GFAP: variants seen among roughly 807,000 people sequenced by gnomAD.
GFAP encodes glial fibrillary acidic protein.
In GFAP, 38 loss-of-function variants were observed where a neutral mutation model predicts 49.3. That is an observed-to-expected ratio of 0.77 (90% CI 0.60 to 1.01). GFAP has a LOEUF of 1.01. Ranked by LOEUF, GFAP falls within the 50% of genes least tolerant of loss-of-function variation. GFAP has a pLI of 0.00. For missense variants in GFAP, 463 were observed against 579.1 expected (o/e 0.80, Z 2.06); for synonymous variants, 222 against 236.4 (o/e 0.94, Z 0.56).
chr17:44,911,135 T>C (rs1287712126), intron 6 of GFAP, 101 bp downstream of exon 6: 2 of 1,051,962 alleles, frequency 1.9e-6, no homozygotes, highest in Non-Finnish European at 1.5e-6. Flanking sequence ...GGAAGGGATC[T>C]GCACACAAGG....
At position 44,915,493 on chromosome 17, in the gene GFAP, C is replaced by T; in HGVS notation, c.-7G>A. 3 of 1,561,180 alleles carry T rather than the reference C, an allele frequency of 1.9e-6. No homozygotes were observed. Among genetic ancestry groups the T allele is most frequent in the Non-Finnish European group, 2.6e-6 (3 of 1,154,044 alleles). On this transcript the variant is annotated 5_prime_UTR_variant, in exon 1 of 9. Coordinates refer to ENST00000588735, the MANE Select transcript of GFAP (RefSeq NM_002055.5). The surrounding 1 kb of genome is among the most constrained non-coding windows in gnomAD (Gnocchi z 4.1). ...TGATGCGTCTCCTCTCCATCCTGCT[C>T]TGGCTCTGCTCGCTCCTGGGATGCG...
At position 44,904,444 on chromosome 17, in the gene GFAP, C is replaced by G; in HGVS notation, c.*2903G>C. 6.5e-7 allele frequency: 1 copy of G among 1,542,484 alleles called. No homozygotes were observed. The highest frequency in any genetic ancestry group is 1.4e-5 in the African/African-American group (1 of 73,000). ...GCCCAGACCTCTCCCCACGCTACCT[C>G]AAGGCCGTGCCCGATGTGGTGTCTT... On this transcript the variant is annotated 3_prime_UTR_variant, in exon 9 of 9. Coordinates refer to ENST00000588735, the MANE Select transcript of GFAP (RefSeq NM_002055.5).
In GFAP at chr17:44,911,296, T is replaced by A; in HGVS notation, c.1067A>T (p.Lys356Met). ...LQEYQDLLNV[K>M]LALDIEIATY... ...GGCGATCTCGATGTCCAGGGCCAGC[T>A]TGACATTGAGCAGGTCCTGGTACTC... The change falls in exon 6 of 9, where the codon AAG (lysine) becomes ATG (methionine). Residue 356 changes from lysine to methionine, a missense_variant. Lys to Met is a moderately conservative substitution (Grantham distance 95). This residue lies in a region of GFAP where 362 missense variants were observed against 445.5 expected (regional missense o/e 0.81). Transcript: ENST00000588735. The A allele has an allele frequency of 6.2e-7, 1 of 1,614,212 alleles. No individual in the cohort carries two copies. The highest frequency in any genetic ancestry group is 8.5e-7 in the Non-Finnish European group (1 of 1,180,024).
intron 6 of GFAP, 129 bp from the exon 7 acceptor site, chr17:44,910,787 A>C: frequency 1.5e-6 from 2 of 1,370,550 alleles, no homozygotes; most frequent in East Asian, 5.0e-5. Context: ...TCCATCTCCT[A>C]GCTTTTTCCC....
rs367772986 is a variant in GFAP, at chr17:44,908,100, G to A, written c.1221C>T (p.Asn407=). 5.6e-6 allele frequency: 9 copies of A among 1,609,336 alleles called. No homozygotes were observed. The highest frequency in any genetic ancestry group is 7.7e-6 in the Non-Finnish European group (9 of 1,176,004). Residue 407 remains asparagine (N), a synonymous_variant, in exon 8 of 9, where the codon AAC becomes AAT. Coordinates refer to ENST00000588735, the MANE Select transcript of GFAP (RefSeq NM_002055.5). ...KSVSEGHLKR[N]IVVKTVEMRD... ...GCATCTCCACGGTCTTCACCACGATGTTCCTCTTGAGGTGGCCTTCTGACA... is the reference window on the plus strand; with the variant it reads ...GCATCTCCACGGTCTTCACCACGATATTCCTCTTGAGGTGGCCTTCTGACA...
intron 4 of GFAP, chr17:44,913,022 C>T: frequency 1.8e-6 from 1 of 543,202 alleles, no homozygotes; most frequent in Non-Finnish European, 3.3e-6. Flanking sequence ...CCATGAAAAG[C>T]ACAGGGCTTA....
At chr17:44,914,239 A>G in intron 1 of GFAP, 151 bp from the exon 2 acceptor site, 3 of 630,910 alleles carry the variant, frequency 4.8e-6, no homozygotes, top group Non-Finnish European at 2.9e-6. Context: ...GGCCTTAGAC[A>G]GAGGACTTGT....
At chr17:44,914,281 T>TA (rs777891700) in intron 1 of GFAP, 193 bp from the exon 2 acceptor site, 18 of 595,870 alleles carry the variant, frequency 3.0e-5, no homozygotes, top group Non-Finnish European at 5.1e-5. Flanking sequence ...GCTTTTGCCT[T>TA]AACTCATTAC....
rs1165790505 is a variant in GFAP at position 44,904,421 on chromosome 17, C to A, written c.*2926G>T. The A allele has an allele frequency of 5.2e-6, 8 of 1,542,100 alleles. No individual in the cohort carries two copies. Among genetic ancestry groups the A allele is most frequent in the Non-Finnish European group, 7.0e-6 (8 of 1,140,788 alleles). On this transcript the variant is annotated 3_prime_UTR_variant, in exon 9 of 9. Transcript: ENST00000588735. ...CATCGGCCTCTGCTACCTGCAGAGCCCAGACCTCTCCCCACGCTACCTCAA... is the reference window on the plus strand; with the variant it reads ...CATCGGCCTCTGCTACCTGCAGAGCACAGACCTCTCCCCACGCTACCTCAA...
chr17:44,913,710 C>T lies in GFAP; in HGVS notation c.618+18G>A, dbSNP rs776325339. On this transcript the variant is annotated intron_variant, in intron 3 of 8. Transcript: ENST00000588735. Reference sequence around the variant, plus strand: ...GCAATCTCTGTGTTGAGCTTTCCTCCCTCTGCCCTGGCCTCACCTCCTCGT... The same window carrying T: ...GCAATCTCTGTGTTGAGCTTTCCTCTCTCTGCCCTGGCCTCACCTCCTCGT... 1 of 1,578,264 alleles carries T rather than the reference C, an allele frequency of 6.3e-7. No homozygotes were observed. The highest frequency in any genetic ancestry group is 8.7e-7 in the Non-Finnish European group (1 of 1,147,214).
rs915413210 is a variant in GFAP, at chr17:44,904,019, G to T, written c.*3328C>A. The T allele has an allele frequency of 1.9e-6, 3 of 1,550,644 alleles. No individual in the cohort carries two copies. The highest frequency in any genetic ancestry group is 1.7e-6 in the Non-Finnish European group (2 of 1,147,010). On this transcript the variant is annotated 3_prime_UTR_variant, in exon 9 of 9. Transcript: ENST00000588735. Reference sequence around the variant, plus strand: ...CAAACCCGAAGAGGTGCCAGCTGTAGTCTGGTTCTACCAAAAGCACCTAGG... The same window carrying T: ...CAAACCCGAAGAGGTGCCAGCTGTATTCTGGTTCTACCAAAAGCACCTAGG...
intron 3 of GFAP, 133 bp downstream of exon 3, chr17:44,913,595 G>T: frequency 9.6e-7 from 1 of 1,046,412 alleles, no homozygotes; most frequent in Non-Finnish European, 1.5e-6. Context: ...TTCATTTCCT[G>T]TCTCTACCTG....
rs1738563877 is a variant in GFAP, at chr17:44,906,363, C to T, written c.*984G>A. 6.6e-6 allele frequency: 1 copy of T among 152,532 alleles called. No individual in the cohort carries two copies. The highest frequency in any genetic ancestry group is 2.4e-5 in the African/African-American group (1 of 41,420). 9.4% of individuals were successfully genotyped at this position (152,532 alleles called of 1,614,324 possible). A position where few individuals can be genotyped will look rare whatever the true frequency, so the allele number is the denominator to read the frequency against. Reference sequence around the variant, plus strand: ...ATGCCTAGCGCCATCCCAATTGCCTCCTCCTCCATCTCTACCAGCGTCCCC... The same window carrying T: ...ATGCCTAGCGCCATCCCAATTGCCTTCTCCTCCATCTCTACCAGCGTCCCC... On this transcript the variant is annotated 3_prime_UTR_variant, in exon 9 of 9. Transcript: ENST00000588735.
chr17:44,910,811 G>T (rs920928754), intron 6 of GFAP, 153 bp from the exon 7 acceptor site: 118 of 1,098,904 alleles, frequency 1.1e-4, no homozygotes, highest in Non-Finnish European at 1.5e-4. Context: ...CAGCCAACGT[G>T]CTATCTGGAG....
chr17:44,904,148 A>G lies in GFAP; in HGVS notation c.*3199T>C. 1.3e-6 allele frequency: 2 copies of G among 1,550,356 alleles called. No homozygotes were observed. The highest frequency in any genetic ancestry group is 1.7e-6 in the Non-Finnish European group (2 of 1,146,764). On this transcript the variant is annotated 3_prime_UTR_variant, in exon 9 of 9. Coordinates refer to ENST00000588735, the MANE Select transcript of GFAP (RefSeq NM_002055.5). Reference sequence around the variant, plus strand: ...CATGCTGACCCGCTTCAGCATCCGCATGTTCAGCTTGTTGGTTTTCAGGGC... The same window carrying G: ...CATGCTGACCCGCTTCAGCATCCGCGTGTTCAGCTTGTTGGTTTTCAGGGC...
chr17:44,905,142 T>G lies in GFAP; in HGVS notation c.*2205A>C. 4.8e-6 allele frequency: 6 copies of G among 1,240,266 alleles called. No homozygotes were observed. Among genetic ancestry groups the G allele is most frequent in the Non-Finnish European group, 1.1e-6 (1 of 895,934 alleles). The allele number at this position is 1,240,266 out of a possible 1,614,324, so 76.8% of individuals were successfully genotyped here. On this transcript the variant is annotated 3_prime_UTR_variant, in exon 9 of 9. Coordinates refer to ENST00000588735, the MANE Select transcript of GFAP (RefSeq NM_002055.5). ...TTAAATGATACCAGATGTCTCTGGGTGGGTACCCTGGGTTGGGACAGGTGG... is the reference window on the plus strand; with the variant it reads ...TTAAATGATACCAGATGTCTCTGGGGGGGTACCCTGGGTTGGGACAGGTGG...
Position 44,903,553 on chromosome 17 carries a change from C to G in GFAP, c.*3794G>C. ...CTTTGACCCATTCTTGGGTGAGCGC[C>G]AGTGTTCTAGAAAGGGGAGTAAAGG... On this transcript the variant is annotated 3_prime_UTR_variant, in exon 9 of 9. Coordinates refer to ENST00000588735, the MANE Select transcript of GFAP (RefSeq NM_002055.5). 7.3e-7 allele frequency: 1 copy of G among 1,361,704 alleles called. No individual in the cohort carries two copies. Among genetic ancestry groups the G allele is most frequent in the Non-Finnish European group, 9.4e-7 (1 of 1,063,910 alleles). The allele number at this position is 1,361,704 out of a possible 1,614,324, so 84.4% of individuals were successfully genotyped here.
chr17:44,912,698 G>C (rs1344058984), intron 4 of GFAP: 4 of 164,978 alleles, frequency 2.4e-5, no homozygotes, highest in Admixed American at 1.7e-4. Context: ...GTCTTTCCTG[G>C]CTCCCACACT....
intron 7 of GFAP, chr17:44,909,700 C>T: frequency 1.0e-6 from 1 of 958,434 alleles, no homozygotes; most frequent in Non-Finnish European, 1.2e-6. Flanking sequence ...GAACATAAAA[C>T]TTTATTCACT....
Sources: gnomAD v4.1 joint callset for allele counts on GRCh38, gnomAD v4.1.1 for gene constraint, gnomAD v4.1.1 regional missense constraint, Gnocchi (gnomAD v3.1) non-coding constraint, MANE v1.5 for transcripts, NCBI Gene and HGNC (gene_info 2026-07-23, HGNC 2026-07-21) for gene names.